Variants in SLC24A2 observed in about 807,000 individuals in gnomAD.
SLC24A2 encodes sodium/potassium/calcium exchanger 2.
A neutral mutation model predicts 62.0 loss-of-function variants in SLC24A2; 36 were observed. The observed-to-expected ratio is 0.58, with a 90% confidence interval of 0.44 to 0.77. The LOEUF is 0.77. SLC24A2 is among the 30% of genes least tolerant of loss of function. SLC24A2 has a pLI of 0.00. For missense variants in SLC24A2, 846 were observed against 817.9 expected (o/e 1.03, Z -0.42); for synonymous variants, 358 against 294.0 (o/e 1.22, Z -2.23).
At chr9:19,738,269 C>G (rs1174660310) in intron 2 of SLC24A2, among the ~76,000 whole-genome samples, 3 of 152,144 alleles carry the variant, frequency 2.0e-5, no homozygotes, top group Admixed American at 1.3e-4. Flanking sequence ...AACTTATAAA[C>G]TTTCATGGCA....
the SLC24A2 span, among the ~76,000 whole-genome samples, chr9:20,034,591 C>T: frequency 6.6e-6 from 1 of 151,850 alleles, no homozygotes; most frequent in Non-Finnish European, 1.5e-5. Context: ...CTCAGCTTCC[C>T]GAGGAGCTGG....
chr9:19,813,044 T>G, the SLC24A2 span, among the ~76,000 whole-genome samples: 1 of 152,196 alleles, frequency 6.6e-6, no homozygotes, highest in Non-Finnish European at 1.5e-5. Flanking sequence ...AGTTTCAGAA[T>G]TTGGTAAATG....
intron 10 of SLC24A2, among the ~76,000 whole-genome samples, chr9:19,520,637 G>C (rs896140697): frequency 2.0e-5 from 3 of 151,876 alleles, no homozygotes; most frequent in African/African-American, 7.3e-5. Context: ...AAATTCTAAA[G>C]TATTTCCTAA....
intron 2 of SLC24A2, among the ~76,000 whole-genome samples, chr9:19,700,107 A>G (rs7861758): frequency 0.37 from 55,869 of 152,138 alleles, 11,826 homozygotes; most frequent in African/African-American, 0.59. Context: ...AAAGTACTAT[A>G]TAAATGCAAG....
the SLC24A2 span, among the ~76,000 whole-genome samples, chr9:19,959,609 A>C: frequency 6.6e-6 from 1 of 152,220 alleles, no homozygotes; most frequent in East Asian, 1.9e-4. Flanking sequence ...AATGAACTGA[A>C]AGAATGCAGA....
chr9:19,528,758 G>A (rs1371988636), intron 8 of SLC24A2, among the ~76,000 whole-genome samples: 3 of 152,252 alleles, frequency 2.0e-5, no homozygotes, highest in Middle Eastern at 6.8e-3. Context: ...ACCACCCATG[G>A]ACCAGAGTAG....
At chr9:20,279,112 A>G in the SLC24A2 span, among the ~76,000 whole-genome samples, 1 of 152,198 alleles carries the variant, frequency 6.6e-6, no homozygotes, top group Non-Finnish European at 1.5e-5. Flanking sequence ...CATGAAAAAA[A>G]ACCTATCCCC....
At chr9:19,896,804 G>A in the SLC24A2 span, among the ~76,000 whole-genome samples, 32 of 152,158 alleles carry the variant, frequency 2.1e-4, 1 homozygote, top group East Asian at 5.8e-3. Context: ...TCTATAAAAG[G>A]GGAACAACAT....
At chr9:20,301,631 G>A in the SLC24A2 span, among the ~76,000 whole-genome samples, 1 of 150,734 alleles carries the variant, frequency 6.6e-6, no homozygotes, top group Non-Finnish European at 1.5e-5. Context: ...TTGAGAGGAA[G>A]GTACAGAGAT....
intron 2 of SLC24A2, among the ~76,000 whole-genome samples, chr9:19,764,903 C>T (rs1176338111): frequency 6.6e-6 from 1 of 152,150 alleles, no homozygotes; most frequent in Non-Finnish European, 1.5e-5. Context: ...GTGTTAAAGT[C>T]TCCCACTATT....
the SLC24A2 span, among the ~76,000 whole-genome samples, chr9:20,176,480 C>T: frequency 6.6e-6 from 1 of 152,106 alleles, no homozygotes; most frequent in East Asian, 1.9e-4. Flanking sequence ...TAATAAAAAA[C>T]CTTTTTCAGA....
intron 7 of SLC24A2, among the ~76,000 whole-genome samples, chr9:19,552,615 C>T (rs976713721): frequency 1.4e-4 from 21 of 152,140 alleles, no homozygotes; most frequent in African/African-American, 4.6e-4. Flanking sequence ...TGATGCCTCC[C>T]CCTAGCTCTG....
At chr9:19,663,322 A>T (rs1819155772) in intron 2 of SLC24A2, among the ~76,000 whole-genome samples, 1 of 152,182 alleles carries the variant, frequency 6.6e-6, no homozygotes, top group South Asian at 2.1e-4. Context: ...CCCAGTTCCC[A>T]CAAAGTTCTA....
At chr9:19,834,680 A>T in the SLC24A2 span, among the ~76,000 whole-genome samples, 3 of 152,200 alleles carry the variant, frequency 2.0e-5, no homozygotes, top group African/African-American at 7.2e-5. Context: ...AACTTCCCCA[A>T]TCTAGCAAGG....
At chr9:19,827,746 C>T in the SLC24A2 span, among the ~76,000 whole-genome samples, 2 of 152,140 alleles carry the variant, frequency 1.3e-5, no homozygotes. Context: ...GTTCCTCACT[C>T]CTGTCCCCCA....
intron 2 of SLC24A2, among the ~76,000 whole-genome samples, chr9:19,676,350 T>C (rs1188374409): frequency 6.6e-6 from 1 of 152,220 alleles, no homozygotes; most frequent in Non-Finnish European, 1.5e-5. Context: ...CTCCACAAGC[T>C]GCTCTGTCCA....
intron 2 of SLC24A2, among the ~76,000 whole-genome samples, chr9:19,686,634 T>C (rs7863898): frequency 0.88 from 134,318 of 152,086 alleles, 59,649 homozygotes; most frequent in East Asian, 1. Flanking sequence ...AGGGGCTTTC[T>C]TCCCTTTGCT....
intron 4 of SLC24A2, among the ~76,000 whole-genome samples, chr9:19,616,227 GA>G (rs1212205634): frequency 6.6e-6 from 1 of 152,160 alleles, no homozygotes; most frequent in Non-Finnish European, 1.5e-5. Flanking sequence ...TCAAAATAAT[GA>G]AGTAGAATAA....
At chr9:20,279,787 C>G in the SLC24A2 span, among the ~76,000 whole-genome samples, 1 of 152,154 alleles carries the variant, frequency 6.6e-6, no homozygotes, top group African/African-American at 2.4e-5. Context: ...GATCATTTCA[C>G]CTCCACCATT....
Sources: gnomAD v4.1 joint callset for allele counts (sites outside exome capture counted in the v4.1 genomes callset) on GRCh38, gnomAD v4.1.1 for gene constraint, MANE v1.5 for transcripts, NCBI Gene and HGNC (gene_info 2026-07-23, HGNC 2026-07-21) for gene names.